Variants in HSPG2 observed in about 807,000 individuals in gnomAD.
HSPG2 encodes the protein heparan sulfate proteoglycan 2.
HSPG2 carries 278 observed loss-of-function variants against 526.6 expected under a neutral mutation model. That is an observed-to-expected ratio of 0.53 (90% CI 0.48 to 0.58). The LOEUF is 0.58. Ranked by LOEUF, HSPG2 falls within the 20% of genes least tolerant of loss-of-function variation. HSPG2 has a pLI of 0.00. For synonymous variants in HSPG2, 2,465 were observed against 2,555.4 expected, an observed-to-expected ratio of 0.96 and a Z score of 1.07; for missense variants, 5,354 against 6,099.5, an observed-to-expected ratio of 0.88 and a Z score of 4.07.
At chr1:21,891,224 T>C (rs1287156323) in intron 3 of HSPG2, among the ~76,000 whole-genome samples, 3 of 152,262 alleles carry the variant, frequency 2.0e-5, no homozygotes, top group African/African-American at 7.2e-5. Context: ...GCATAGATTC[T>C]GCCAGGTTTC....
At chr1:21,924,232 T>C (rs1644123419) in intron 1 of HSPG2, among the ~76,000 whole-genome samples, 1 of 152,086 alleles carries the variant, frequency 6.6e-6, no homozygotes, top group South Asian at 2.1e-4. Flanking sequence ...CAGAGGAAGG[T>C]GGAAGCTGCC....
At chr1:21,861,019 G>T (rs1341572874) in intron 39 of HSPG2, among the ~76,000 whole-genome samples, 10 of 152,210 alleles carry the variant, frequency 6.6e-5, no homozygotes, top group Admixed American at 4.6e-4. Context: ...GGGACTTCTC[G>T]TATTACCTCA....
At chr1:21,876,197 G>C (rs1236322399) in intron 23 of HSPG2, 32 bp downstream of exon 23, 1 of 1,585,688 alleles carries the variant, frequency 6.3e-7, no homozygotes, top group African/African-American at 1.3e-5. Flanking sequence ...CTGCTGCCTG[G>C]AGTTTCCTTT....
At chr1:21,899,780 C>T (rs569336458) in intron 1 of HSPG2, among the ~76,000 whole-genome samples, 5 of 152,290 alleles carry the variant, frequency 3.3e-5, no homozygotes, top group Non-Finnish European at 5.9e-5. Flanking sequence ...CAGTGAGCCC[C>T]GGGAGACGTG....
At chr1:21,910,636 T>C (rs1438586684) in intron 1 of HSPG2, among the ~76,000 whole-genome samples, 2 of 152,220 alleles carry the variant, frequency 1.3e-5, no homozygotes, top group African/African-American at 4.8e-5. Flanking sequence ...CTGCCCTTTT[T>C]CTAGCACCTG....
intron 20 of HSPG2, 46 bp downstream of exon 20, chr1:21,878,387 T>C (rs1245180679): frequency 1.3e-6 from 2 of 1,585,926 alleles, no homozygotes; most frequent in South Asian, 1.1e-5. Context: ...GCAGCCCAGG[T>C]TGGGTTGGGA....
rs759803738 is a variant in HSPG2 at position 21,896,254 on chromosome 1, G to C, written c.120C>G (p.Thr40=). ...TCCAGCGCATTTGGCTTGCTGTGAC[G>C]GTCTCTATGTCCTCAGGCAGAGACA... The part of the protein sequence containing the change: ...DGLSLPEDIE[T]VTASQMRWTH... Residue 40 remains threonine, a synonymous_variant, in exon 2 of 97, where the codon ACC becomes ACG. Coordinates refer to ENST00000374695, the MANE Select transcript of HSPG2 (RefSeq NM_005529.7). The C allele has an allele frequency of 6.2e-7, 1 of 1,613,858 alleles. No individual in the cohort carries two copies. Among genetic ancestry groups the C allele is most frequent in the Non-Finnish European group, 8.5e-7 (1 of 1,179,956 alleles).
At position 21,841,615 on chromosome 1, in the gene HSPG2, G is replaced by C. The variant is rs536554875; in HGVS notation, c.9252C>G (p.Ser3084Arg). 7 of 1,614,188 alleles carry C rather than the reference G, an allele frequency of 4.3e-6. No individual in the cohort carries two copies. In the African/African-American group the frequency reaches 8.0e-5, roughly 18 times the overall value. Reference sequence around the variant, plus strand: ...CCACGCAGCGGTAGGTACCGTGGTTGCTGGGCCGGGTGCCCACGATGGTGA... The same window carrying C: ...CCACGCAGCGGTAGGTACCGTGGTTCCTGGGCCGGGTGCCCACGATGGTGA... ...SIITIVGTRP[S>R]NHGTYRCVAS... The change falls in exon 70 of 97, where the codon AGC (serine) becomes AGG (arginine). Residue 3084 changes from serine (S) to arginine (R), a missense_variant. Transcript: ENST00000374695.
chr1:21,832,770 G>T (rs2098010062), intron 80 of HSPG2, 164 bp from the exon 81 acceptor site: 2 of 624,370 alleles, frequency 3.2e-6, no homozygotes, highest in Non-Finnish European at 5.7e-6. Flanking sequence ...CTCAGGGCTG[G>T]TGCCCCAAAC....
rs776288513 is a variant in HSPG2, at chr1:21,828,300, C to G, written c.12364G>C (p.Ala4122Pro). The G allele has an allele frequency of 2.5e-6, 4 of 1,613,664 alleles. No homozygotes were observed. The African/African-American group carries it at 4.0e-5, about 16-fold the overall frequency. Reference protein sequence around the residue: ...PCQHGATCMPAGEYEFQCLCR... With the variant: ...PCQHGATCMPPGEYEFQCLCR... ...AGGCACTGGAACTCATACTCGCCAGCGGGCATGCACGTGGCACCATGTTGG... is the reference window on the plus strand; with the variant it reads ...AGGCACTGGAACTCATACTCGCCAGGGGGCATGCACGTGGCACCATGTTGG... The change falls in exon 89 of 97, where the codon GCT (alanine) becomes CCT (proline). Residue 4122 changes from alanine to proline, a missense_variant. By Grantham distance (27) the Ala-to-Pro change is conservative. Transcript: ENST00000374695. The surrounding 1 kb of genome is among the most constrained non-coding windows in gnomAD (Gnocchi z 6.0).
Position 21,824,969 on chromosome 1 carries a change from C to T in HSPG2, c.12590-190G>A, listed in dbSNP as rs1305041565. 3 of 633,582 alleles carry T rather than the reference C, an allele frequency of 4.7e-6. No individual in the cohort carries two copies. The African/African-American group carries it at 5.5e-5, about 12-fold the overall frequency. 39.2% of individuals were successfully genotyped at this position (633,582 alleles called of 1,614,324 possible). ...TGACCTTGGATGGGAAAGCATTACA[C>T]CTCAATTTCACTCACTTCTCACTGA... On this transcript the variant is annotated intron_variant, in intron 91 of 96. Coordinates refer to ENST00000374695, the MANE Select transcript of HSPG2 (RefSeq NM_005529.7). The surrounding 1 kb of genome is among the most constrained non-coding windows in gnomAD (Gnocchi z 5.9).
intron 21 of HSPG2, among the ~76,000 whole-genome samples, chr1:21,877,068 A>AG (rs2152749975): frequency 6.6e-6 from 1 of 151,496 alleles, no homozygotes; most frequent in South Asian, 2.1e-4. Context: ...TCAAAAAAAA[A>AG]AAAAAAAAGA....
In HSPG2 at chr1:21,887,919, G is replaced by A. The variant is rs1642055869; in HGVS notation, c.703+19C>T. The A allele has an allele frequency of 6.2e-7, 1 of 1,613,782 alleles. No individual in the cohort carries two copies. Among genetic ancestry groups the A allele is most frequent in the Non-Finnish European group, 8.5e-7 (1 of 1,180,026 alleles). On this transcript the variant is annotated intron_variant, in intron 7 of 96. Transcript: ENST00000374695. This position sits in a 1 kb window ranked among gnomAD's most constrained non-coding sequence, Gnocchi z 5.0. Reference sequence around the variant, plus strand: ...TCCCCTGGCACCCAAACCACTCGTGGCCCCGGACATCCCCTCACCACAATT... The same window carrying A: ...TCCCCTGGCACCCAAACCACTCGTGACCCCGGACATCCCCTCACCACAATT...
At position 21,880,373 on chromosome 1, in the gene HSPG2, C is replaced by A; in HGVS notation, c.2185G>T (p.Glu729Ter). The A allele has an allele frequency of 6.2e-7, 1 of 1,614,132 alleles. No individual in the cohort carries two copies. The highest frequency in any genetic ancestry group is 8.5e-7 in the Non-Finnish European group (1 of 1,180,022). Residue 729 changes from glutamate (E) to a stop codon, truncating the protein, a stop_gained, in exon 16 of 97, where the codon GAG becomes TAG. Transcript: ENST00000374695. LOFTEE classifies it high-confidence loss of function. ...TGCCGGCTCAGGCACCTGCACTCCT[C>A]CACACTGTGGGCACGGCCATGGCTG... ...ATSHGRAHSV[E>*]ECRCPIGYSG...
chr1:21,842,307 C>T lies in HSPG2; in HGVS notation c.8984G>A (p.Ser2995Asn), dbSNP rs2098052046. 3 of 1,613,142 alleles carry T rather than the reference C, an allele frequency of 1.9e-6. No homozygotes were observed. Among genetic ancestry groups the T allele is most frequent in the South Asian group, 2.2e-5 (2 of 90,990 alleles). Residue 2995 changes from serine (S) to asparagine (N), a missense_variant, in exon 68 of 97, where the codon AGC becomes AAC. By Grantham distance (46) the Ser-to-Asn change is conservative. Coordinates refer to ENST00000374695, the MANE Select transcript of HSPG2 (RefSeq NM_005529.7). ...GGCTTCTTGCTCAGGGCCTGGGCCG[C>T]TGGCTGCACGACACACATACTCGCC... ...DSGEYVCRAA[S>N]GPGPEQEASF...
chr1:21,935,861 C>G (rs571946225), intron 1 of HSPG2, among the ~76,000 whole-genome samples: 2 of 151,884 alleles, frequency 1.3e-5, no homozygotes, highest in Non-Finnish European at 2.9e-5. Flanking sequence ...GAGGCTGAAA[C>G]AGGAGGACGA....
chr1:21,905,240 C>T (rs1211863227), intron 1 of HSPG2, among the ~76,000 whole-genome samples: 2 of 143,764 alleles, frequency 1.4e-5, no homozygotes, highest in African/African-American at 5.0e-5. Context: ...TCTGTCTACA[C>T]ACACACCCAC....
At chr1:21,896,390 G>A in intron 1 of HSPG2, 80 bp from the exon 2 acceptor site, 1 of 1,557,762 alleles carries the variant, frequency 6.4e-7, no homozygotes, top group Non-Finnish European at 8.8e-7. Context: ...ACTTCCAGGG[G>A]GACCCAGAAT....
intron 86 of HSPG2, 112 bp from the exon 87 acceptor site, chr1:21,829,716 G>A: frequency 1.0e-6 from 1 of 965,284 alleles, no homozygotes; most frequent in South Asian, 1.6e-5. Flanking sequence ...CAGGCCCAGA[G>A]GCTCAGGACC....
Sources: allele counts gnomAD v4.1 joint callset (sites outside exome capture counted in the v4.1 genomes callset), GRCh38; gene constraint gnomAD v4.1.1; non-coding constraint Gnocchi (gnomAD v3.1); transcripts MANE v1.5; gene names NCBI Gene and HGNC (gene_info 2026-07-23, HGNC 2026-07-21).